OR5B12: variants seen among roughly 807,000 people sequenced by gnomAD.
The protein encoded by OR5B12 is olfactory receptor family 5 subfamily B member 12.
For missense variants in OR5B12, 418 were observed against 377.0 expected, an observed-to-expected ratio of 1.11 and a Z score of -0.90; for synonymous variants, 154 against 138.0, an observed-to-expected ratio of 1.12 and a Z score of -0.81.
Position 58,439,355 on chromosome 11 carries a change from A to G in OR5B12, c.797T>C (p.Met266Thr). The change falls in exon 2 of 2, where the codon ATG becomes ACG. Residue 266 changes from methionine (M) to threonine (T), a missense_variant. By Grantham distance (81) the Met-to-Thr change is moderately conservative (BLOSUM62 -1). Transcript: ENST00000641921. The part of the protein sequence containing the change: ...MYLRPNSSHF[M>T]GTDKMASVFY... ...CACAGATGCCATTTTGTCTGTGCCC[A>G]TGAAATGGCTGGAGTTAGGTCGTAA... The G allele has an allele frequency of 1.9e-6, 3 of 1,614,094 alleles. No individual in the cohort carries two copies. The highest frequency in any genetic ancestry group is 2.2e-5 in the South Asian group (2 of 91,078).
chr11:58,441,108 C>T (rs1855494867), intron 1 of OR5B12, among the ~76,000 whole-genome samples: 1 of 152,142 alleles, frequency 6.6e-6, no homozygotes, highest in African/African-American at 2.4e-5. Flanking sequence ...TCAGTCGGTC[C>T]ACAATATAGT....
At position 58,439,305 on chromosome 11, in the gene OR5B12, A is replaced by G; in HGVS notation, c.847T>C (p.Leu283=). ...CTCAGGCTGTAGACCAGTGGATTCA[A>G]CATGGGAATGACTATGGCATAGAAC... ...SVFYAIVIPM[L]NPLVYSLRNK... is the part of the protein sequence containing the mutation. The change falls in exon 2 of 2, where the codon TTG becomes CTG. Residue 283 remains leucine, a synonymous_variant. Coordinates refer to ENST00000641921, the MANE Select transcript of OR5B12 (RefSeq NM_001004733.3). 1 of 1,613,974 alleles carries G rather than the reference A, an allele frequency of 6.2e-7. No individual in the cohort carries two copies. Among genetic ancestry groups the G allele is most frequent in the South Asian group, 1.1e-5 (1 of 91,072 alleles).
In OR5B12 at chr11:58,439,447, G is replaced by A; in HGVS notation, c.705C>T (p.Ala235=). ...TAAGGTGGGAAGCACAAGTAGAAAAGGCCTTCTGGCGTCCTTCAGGTGAGC... is the reference window on the plus strand; with the variant it reads ...TAAGGTGGGAAGCACAAGTAGAAAAAGCCTTCTGGCGTCCTTCAGGTGAGC... ...KMRSPEGRQK[A]FSTCASHLTA... is the part of the protein sequence containing the mutation. Residue 235 remains alanine (A), a synonymous_variant, in exon 2 of 2, where the codon GCC becomes GCT. Coordinates refer to ENST00000641921, the MANE Select transcript of OR5B12 (RefSeq NM_001004733.3). 1.9e-6 allele frequency: 3 copies of A among 1,614,024 alleles called. No individual in the cohort carries two copies. The highest frequency in any genetic ancestry group is 8.5e-7 in the Non-Finnish European group (1 of 1,179,982).
Position 58,439,308 on chromosome 11 carries a change from T to C in OR5B12, c.844A>G (p.Met282Val). ...AGGCTGTAGACCAGTGGATTCAACA[T>C]GGGAATGACTATGGCATAGAACACA... ...ASVFYAIVIP[M>V]LNPLVYSLRN... The change falls in exon 2 of 2, where the codon ATG becomes GTG. Residue 282 changes from methionine (M) to valine (V), a missense_variant. Physicochemically the swap from Met to Val is conservative, Grantham distance 21 (BLOSUM62 1). Transcript: ENST00000641921. The C allele has an allele frequency of 1.9e-6, 3 of 1,613,970 alleles. No homozygotes were observed. Among genetic ancestry groups the C allele is most frequent in the Non-Finnish European group, 2.5e-6 (3 of 1,179,898 alleles).
chr11:58,439,954 C>T lies in OR5B12; in HGVS notation c.198G>A (p.Leu66=). The T allele has an allele frequency of 6.2e-7, 1 of 1,614,066 alleles. No individual in the cohort carries two copies. Among genetic ancestry groups the T allele is most frequent in the East Asian group, 2.2e-5 (1 of 44,868 alleles). The change falls in exon 2 of 2, where the codon CTG becomes CTA. Residue 66 remains leucine (L), a synonymous_variant. Coordinates refer to ENST00000641921, the MANE Select transcript of OR5B12 (RefSeq NM_001004733.3). ...PMYFFLSNLS[L]VDFGYSSAVT... is the part of the protein sequence containing the mutation. ...CAGCTGAGGAATAACCAAAGTCCAC[C>T]AGGGAGAGGTTACTGAGGAAGAAGT...
At position 58,440,079 on chromosome 11, in the gene OR5B12, G is replaced by C; in HGVS notation, c.73C>G (p.Leu25Val). The C allele has an allele frequency of 6.2e-7, 1 of 1,614,062 alleles. No homozygotes were observed. Residue 25 changes from leucine to valine, a missense_variant, in exon 2 of 2, where the codon CTC (leucine) becomes GTC (valine). Leu to Val is a conservative substitution (Grantham distance 32). Coordinates refer to ENST00000641921, the MANE Select transcript of OR5B12 (RefSeq NM_001004733.3). ...LTDDPELQIP[L>V]FIVFLFIYLI... ...TAGATGAAAAGGAAGACTATGAAGA[G>C]TGGGATCTGCAGTTCTGGGTCATCA...
Position 58,439,483 on chromosome 11 carries a change from G to T in OR5B12, c.669C>A (p.Ile223=). 6.2e-7 allele frequency: 1 copy of T among 1,614,090 alleles called. No individual in the cohort carries two copies. Among genetic ancestry groups the T allele is most frequent in the Non-Finnish European group, 8.5e-7 (1 of 1,179,994 alleles). ...GTCCTTCAGGTGAGCGCATCTTCAT[G>T]ATGGTGATAAATATAAATAAGTAGG... ...LISYLFIFIT[I]MKMRSPEGRQ... is the part of the protein sequence containing the mutation. Residue 223 remains isoleucine (I), a synonymous_variant, in exon 2 of 2, where the codon ATC becomes ATA. Coordinates refer to ENST00000641921, the MANE Select transcript of OR5B12 (RefSeq NM_001004733.3).
chr11:58,439,793 CGGTCATAGGCCATTGATGCCA>C lies in OR5B12; in HGVS notation c.338_358del (p.Leu113_Asp119del), dbSNP rs1565160934. The C allele has an allele frequency of 6.2e-7, 1 of 1,614,094 alleles. No individual in the cohort carries two copies. The highest frequency in any genetic ancestry group is 8.5e-7 in the Non-Finnish European group (1 of 1,180,012). ...CAGGGGTTTACACAATGCTGCATAG[CGGTCATAGGCCATTGATGCCA>C]GGAGGAAACTTTCTGCAGTGATAAA... is the stretch of plus-strand genomic sequence containing the variant. On this transcript the variant is annotated inframe_deletion, in exon 2 of 2. Coordinates refer to ENST00000641921, the MANE Select transcript of OR5B12 (RefSeq NM_001004733.3).
Position 58,439,124 on chromosome 11 carries a change from C to T in OR5B12, c.*83G>A. The T allele has an allele frequency of 1.5e-6, 1 of 685,970 alleles. No individual in the cohort carries two copies. The highest frequency in any genetic ancestry group is 2.4e-6 in the Non-Finnish European group (1 of 412,846). The allele number at this position is 685,970 out of a possible 1,614,324, so 42.5% of individuals were successfully genotyped here. On this transcript the variant is annotated 3_prime_UTR_variant, in exon 2 of 2. Transcript: ENST00000641921. ...AAGAAAACAGTCAATAGAAACTGTCCATGAGGAAGCCCAAATATTGGGCTT... is the reference window on the plus strand; with the variant it reads ...AAGAAAACAGTCAATAGAAACTGTCTATGAGGAAGCCCAAATATTGGGCTT...
rs1220028328 is a variant in OR5B12, at chr11:58,440,057, A to G, written c.95T>C (p.Ile32Thr). The G allele has an allele frequency of 1.3e-5, 21 of 1,614,002 alleles. No individual in the cohort carries two copies. Among genetic ancestry groups the G allele is most frequent in the Non-Finnish European group, 1.7e-5 (20 of 1,179,974 alleles). The part of the protein sequence containing the change: ...QIPLFIVFLF[I>T]YLITLVGNLG... ...GTTCCCAACCAGAGTGATGAGGTAG[A>G]TGAAAAGGAAGACTATGAAGAGTGG... The change falls in exon 2 of 2, where the codon ATC (isoleucine) becomes ACC (threonine). Residue 32 changes from isoleucine (I) to threonine (T), a missense_variant. Physicochemically the swap from Ile to Thr is moderately conservative, Grantham distance 89. Coordinates refer to ENST00000641921, the MANE Select transcript of OR5B12 (RefSeq NM_001004733.3).
rs565942010 is a variant in OR5B12, at chr11:58,440,052, G to C, written c.100C>G (p.Leu34Val). 6 of 1,613,918 alleles carry C rather than the reference G, an allele frequency of 3.7e-6. No individual in the cohort carries two copies. Among genetic ancestry groups the C allele is most frequent in the East Asian group, 2.2e-5 (1 of 44,870 alleles). The change falls in exon 2 of 2, where the codon CTC becomes GTC. Residue 34 changes from leucine (L) to valine (V), a missense_variant. Coordinates refer to ENST00000641921, the MANE Select transcript of OR5B12 (RefSeq NM_001004733.3). ...CCCAGGTTCCCAACCAGAGTGATGAGGTAGATGAAAAGGAAGACTATGAAG... is the reference window on the plus strand; with the variant it reads ...CCCAGGTTCCCAACCAGAGTGATGACGTAGATGAAAAGGAAGACTATGAAG... ...PLFIVFLFIY[L>V]ITLVGNLGMI...
At position 58,439,781 on chromosome 11, in the gene OR5B12, A is replaced by C. The variant is rs1490315410; in HGVS notation, c.371T>G (p.Leu124Trp). ...GGTGGTGTAATGCAGGGGTTTACAC[A>C]ATGCTGCATAGCGGTCATAGGCCAT... ...ASMAYDRYAA[L>W]CKPLHYTTTM... is the part of the protein sequence containing the mutation. The change falls in exon 2 of 2, where the codon TTG becomes TGG. Residue 124 changes from leucine to tryptophan, a missense_variant. By Grantham distance (61) the Leu-to-Trp change is moderately conservative (BLOSUM62 -2). Coordinates refer to ENST00000641921, the MANE Select transcript of OR5B12 (RefSeq NM_001004733.3). 1 of 1,614,180 alleles carries C rather than the reference A, an allele frequency of 6.2e-7. No individual in the cohort carries two copies. Among genetic ancestry groups the C allele is most frequent in the Admixed American group, 1.7e-5 (1 of 60,008 alleles).
chr11:58,439,675 C>G lies in OR5B12; in HGVS notation c.477G>C (p.Gly159=), dbSNP rs754452874. 1.9e-6 allele frequency: 3 copies of G among 1,614,024 alleles called. No individual in the cohort carries two copies. In the East Asian group the frequency reaches 6.7e-5, roughly 36 times the overall value. ...TACAGAAGGAGAGCCTGAAAGTGTTCCCAGTATGAATGGATGCATTCAGGA... is the reference window on the plus strand; with the variant it reads ...TACAGAAGGAGAGCCTGAAAGTGTTGCCAGTATGAATGGATGCATTCAGGA... ...CGFLNASIHT[G]NTFRLSFCRS... The change falls in exon 2 of 2, where the codon GGG becomes GGC. Residue 159 remains glycine, a synonymous_variant. Coordinates refer to ENST00000641921, the MANE Select transcript of OR5B12 (RefSeq NM_001004733.3).
At position 58,439,147 on chromosome 11, in the gene OR5B12, C is replaced by T. The variant is rs1855467507; in HGVS notation, c.*60G>A. ...TCCATGAGGAAGCCCAAATATTGGG[C>T]TTGGTAGACAAAGATTAATATGAGG... On this transcript the variant is annotated 3_prime_UTR_variant, in exon 2 of 2. Coordinates refer to ENST00000641921, the MANE Select transcript of OR5B12 (RefSeq NM_001004733.3). 2 of 946,686 alleles carry T rather than the reference C, an allele frequency of 2.1e-6. No individual in the cohort carries two copies. Among genetic ancestry groups the T allele is most frequent in the African/African-American group, 1.7e-5 (1 of 59,888 alleles). 58.6% of individuals were successfully genotyped at this position (946,686 alleles called of 1,614,324 possible).
intron 1 of OR5B12, 106 bp from the exon 2 acceptor site, chr11:58,440,276 T>G (rs1337031923): frequency 1.6e-6 from 1 of 626,842 alleles, no homozygotes; most frequent in Non-Finnish European, 2.7e-6. Context: ...AATTACTTGT[T>G]TCCAGGAGTC....
chr11:58,439,993 G>C lies in OR5B12; in HGVS notation c.159C>G (p.Leu53=). The change falls in exon 2 of 2, where the codon CTC becomes CTG. Residue 53 remains leucine (L), a synonymous_variant. Transcript: ENST00000641921. ...TGAGGAAGAAGTACATGGGGGTGTG[G>C]AGACAGGAGTCCAGTAGAATCAATT... is the stretch of plus-strand genomic sequence containing the variant. ...MIELILLDSC[L]HTPMYFFLSN... The C allele has an allele frequency of 6.2e-7, 1 of 1,614,110 alleles. No individual in the cohort carries two copies. Among genetic ancestry groups the C allele is most frequent in the Non-Finnish European group, 8.5e-7 (1 of 1,180,032 alleles).
chr11:58,439,385 A>G lies in OR5B12; in HGVS notation c.767T>C (p.Met256Thr), dbSNP rs755912542. The change falls in exon 2 of 2, where the codon ATG becomes ACG. Residue 256 changes from methionine (M) to threonine (T), a missense_variant. Transcript: ENST00000641921. ...VSIFYGTGIF[M>T]YLRPNSSHFM... ...ATGGCTGGAGTTAGGTCGTAAGTACATAAAGATTCCTGTCCCATAAAAGAT... is the reference window on the plus strand; with the variant it reads ...ATGGCTGGAGTTAGGTCGTAAGTACGTAAAGATTCCTGTCCCATAAAAGAT... 1.9e-6 allele frequency: 3 copies of G among 1,614,020 alleles called. No individual in the cohort carries two copies. The African/African-American group carries it at 4.0e-5, about 22-fold the overall frequency.
chr11:58,439,883 A>C lies in OR5B12; in HGVS notation c.269T>G (p.Ile90Arg). The change falls in exon 2 of 2, where the codon ATA (isoleucine) becomes AGA (arginine). Residue 90 changes from isoleucine (I) to arginine (R), a missense_variant. By Grantham distance (97) the Ile-to-Arg change is moderately conservative (BLOSUM62 -3). Transcript: ENST00000641921. ...MVGFLTGDKF[I>R]LYNACATQFF... ...TTGTGTGGCACAAGCATTATATAAT[A>C]TGAATTTGTCTCCTGTGAGAAACCC... 6.2e-7 allele frequency: 1 copy of C among 1,614,198 alleles called. No homozygotes were observed. The highest frequency in any genetic ancestry group is 2.2e-5 in the East Asian group (1 of 44,886).
Position 58,439,868 on chromosome 11 carries a change from CA to C in OR5B12, c.283del (p.Cys95ValfsTer9), listed in dbSNP as rs762705069. On this transcript the variant is annotated frameshift_variant, in exon 2 of 2. Coordinates refer to ENST00000641921, the MANE Select transcript of OR5B12 (RefSeq NM_001004733.3). LOFTEE classifies it low-confidence loss of function (END_TRUNC). Reference sequence around the variant, plus strand: ...TACAAAGAAGAAGAATTGTGTGGCACAAGCATTATATAATATGAATTTGTCT... The same window carrying C: ...TACAAAGAAGAAGAATTGTGTGGCACAGCATTATATAATATGAATTTGTCT... ...TGDKFILYNACATQFFFFVAF... is the reference protein window; with the variant it reads ...TGDKFILYNAXATQFFFFVAF... The C allele has an allele frequency of 1.2e-6, 2 of 1,614,010 alleles. No homozygotes were observed. The highest frequency in any genetic ancestry group is 2.7e-5 in the African/African-American group (2 of 74,908).
Sources: gnomAD v4.1 joint callset for allele counts (sites outside exome capture counted in the v4.1 genomes callset) on GRCh38, gnomAD v4.1.1 for gene constraint, MANE v1.5 for transcripts, NCBI Gene and HGNC (gene_info 2026-07-23, HGNC 2026-07-21) for gene names.